NPAS3: variants seen among roughly 807,000 people sequenced by gnomAD.
The protein encoded by NPAS3 is neuronal PAS domain-containing protein 3.
A neutral mutation model predicts 73.1 loss-of-function variants in NPAS3; 14 were observed. That is an observed-to-expected ratio of 0.19 (90% CI 0.13 to 0.30). NPAS3 has a LOEUF of 0.30. Ranked by LOEUF, NPAS3 falls within the 10% of genes least tolerant of loss-of-function variation. NPAS3 has a pLI of 1.00. For missense variants in NPAS3, 1,096 were observed against 1,250.0 expected, an observed-to-expected ratio of 0.88 and a Z score of 1.86; for synonymous variants, 620 against 541.5, an observed-to-expected ratio of 1.14 and a Z score of -2.01.
intron 4 of NPAS3, among the ~76,000 whole-genome samples, chr14:33,520,623 A>G (rs942385072): frequency 6.6e-6 from 1 of 152,176 alleles, no homozygotes; most frequent in Non-Finnish European, 1.5e-5. Flanking sequence ...TTCAATTATG[A>G]CAACAGTTAA....
intron 2 of NPAS3, among the ~76,000 whole-genome samples, chr14:33,090,796 C>G (rs909728936): frequency 1.3e-5 from 2 of 152,192 alleles, no homozygotes; most frequent in African/African-American, 4.8e-5. Flanking sequence ...ATAACAAACT[C>G]TCTCAGACCA....
Position 33,787,618 on chromosome 14 carries a change from C to T in NPAS3, c.1154-6279C>T, listed in dbSNP as rs866460357. ...GATTTACAAAAAAAAAAAAAAAAAC[C>T]TAAAAACCAATTTCTGGATGCCTGC... is the stretch of plus-strand genomic sequence containing the variant. On this transcript the variant is annotated intron_variant, in intron 9 of 11. Transcript: ENST00000356141. 1.2e-4 allele frequency among the ~76,000 whole-genome samples: 17 copies of T among 142,952 alleles called. No individual in the cohort carries two copies. The South Asian group carries it at 2.0e-3, about 17-fold the overall frequency. The allele number at this position is 142,952 out of a possible 152,430, so 93.8% of individuals were successfully genotyped here. A position where few individuals can be genotyped will look rare whatever the true frequency, so the allele number is the denominator to read the frequency against.
chr14:33,391,342 C>T (rs113521282), intron 4 of NPAS3, among the ~76,000 whole-genome samples: 230 of 151,990 alleles, frequency 1.5e-3, no homozygotes, highest in African/African-American at 5.2e-3. Flanking sequence ...TACAGGCATG[C>T]GCCACCACAC....
At chr14:33,767,072 G>A (rs2062486551) in intron 7 of NPAS3, among the ~76,000 whole-genome samples, 1 of 152,200 alleles carries the variant, frequency 6.6e-6, no homozygotes, top group Non-Finnish European at 1.5e-5. Context: ...CCTTCTCCAT[G>A]GCGCTTGCAT....
intron 1 of NPAS3, among the ~76,000 whole-genome samples, chr14:33,050,041 G>A (rs75297972): frequency 8.3e-4 from 126 of 152,244 alleles, no homozygotes; most frequent in African/African-American, 2.4e-3. Context: ...TTAGCGCTGA[G>A]GGAGTTCTGT....
chr14:33,202,652 C>G (rs1464125363), intron 2 of NPAS3, among the ~76,000 whole-genome samples: 2 of 150,856 alleles, frequency 1.3e-5, no homozygotes, highest in Non-Finnish European at 2.9e-5. Flanking sequence ...ATCCTAACTA[C>G]TGAGATAAAT....
intron 1 of NPAS3, among the ~76,000 whole-genome samples, chr14:32,983,084 G>A (rs1282070124): frequency 1.3e-5 from 2 of 152,136 alleles, no homozygotes; most frequent in African/African-American, 2.4e-5. Flanking sequence ...ACTAAAAACT[G>A]TAGATGTTTG....
At chr14:33,249,292 AG>A (rs1399063720) in intron 3 of NPAS3, among the ~76,000 whole-genome samples, 1 of 151,844 alleles carries the variant, frequency 6.6e-6, no homozygotes, top group Non-Finnish European at 1.5e-5. Context: ...TGAAGAACAT[AG>A]TATTCTTCAG....
chr14:33,111,941 T>C (rs1446945014), intron 2 of NPAS3, among the ~76,000 whole-genome samples: 3 of 152,050 alleles, frequency 2.0e-5, no homozygotes, highest in African/African-American at 7.2e-5. Context: ...TCCTTGGTGA[T>C]AGTTTGCTGA....
At chr14:33,391,807 C>T (rs939937436) in intron 4 of NPAS3, among the ~76,000 whole-genome samples, 2 of 152,148 alleles carry the variant, frequency 1.3e-5, no homozygotes, top group Non-Finnish European at 2.9e-5. Context: ...CAGAGACATG[C>T]TCACCCTTGG....
At chr14:33,767,777 C>A (rs562579561) in intron 7 of NPAS3, among the ~76,000 whole-genome samples, 2 of 152,102 alleles carry the variant, frequency 1.3e-5, no homozygotes, top group Non-Finnish European at 2.9e-5. Context: ...AGGAGAATAG[C>A]TTCCAGATGT....
At position 33,563,537 on chromosome 14, in the gene NPAS3, C is replaced by CACACACACACACACACACACAGAGAG; in HGVS notation, c.558+3328_558+3329insCACACACACACACACACACAGAGAGA. 3.0e-3 allele frequency among the ~76,000 whole-genome samples: 360 copies of CACACACACACACACACACACAGAGAG among 119,650 alleles called. 7 individuals are homozygous for CACACACACACACACACACACAGAGAG. Among genetic ancestry groups the CACACACACACACACACACACAGAGAG allele is most frequent in the African/African-American group, 7.9e-3 (211 of 26,764 alleles). The allele number at this position is 119,650 out of a possible 152,430, so 78.5% of individuals were successfully genotyped here. A position where few individuals can be genotyped will look rare whatever the true frequency, so the allele number is the denominator to read the frequency against. ...ATACATACACACACACACACACACA[C>CACACACACACACACACACACAGAGAG]AGAGAGAGAGAGAGAGAGAGAGAGA... On this transcript the variant is annotated intron_variant, in intron 5 of 11. Coordinates refer to ENST00000356141, the Ensembl canonical transcript of NPAS3.
chr14:33,049,746 C>A (rs1233816721), intron 1 of NPAS3, among the ~76,000 whole-genome samples: 1 of 152,202 alleles, frequency 6.6e-6, no homozygotes, highest in Non-Finnish European at 1.5e-5. Flanking sequence ...GCATTCACAT[C>A]TGGTTCCAAA....
At chr14:32,977,351 G>GACATGCACACACACAC (rs1555313817) in intron 1 of NPAS3, among the ~76,000 whole-genome samples, 2 of 9,454 alleles carry the variant, frequency 2.1e-4, no homozygotes, top group Non-Finnish European at 7.1e-4. Context: ...TTTTGTCTCT[G>GACATGCACACACACAC]ACACGCACAC....
At chr14:33,580,576 C>G (rs1595201124) in intron 5 of NPAS3, among the ~76,000 whole-genome samples, 1 of 152,178 alleles carries the variant, frequency 6.6e-6, no homozygotes, top group Non-Finnish European at 1.5e-5. Context: ...TCCCCTCCAT[C>G]CCCCGGGGCA....
intron 5 of NPAS3, among the ~76,000 whole-genome samples, chr14:33,636,471 G>C (rs78575503): frequency 0.068 from 10,329 of 152,196 alleles, 449 homozygotes; most frequent in South Asian, 0.12. Context: ...TACCTGAGCT[G>C]ATATTCCTGC....
At chr14:33,739,240 G>A (rs1008317735) in intron 7 of NPAS3, among the ~76,000 whole-genome samples, 1 of 152,172 alleles carries the variant, frequency 6.6e-6, no homozygotes, top group Non-Finnish European at 1.5e-5. Context: ...TACTAAGGGA[G>A]GGAGGATGCA....
rs192169973 is a variant in NPAS3, at chr14:33,527,315, G to A, written c.469-32806G>A. ...CTGTAACCACTTACCTTGTGATGTC[G>A]TTTACAGCAAGAGCCCACATCCAGG... is the stretch of plus-strand genomic sequence containing the variant. On this transcript the variant is annotated intron_variant, in intron 4 of 11. Coordinates refer to ENST00000356141, the Ensembl canonical transcript of NPAS3. Among the ~76,000 whole-genome samples the A allele has an allele frequency of 8.2e-4, 125 of 152,230 alleles. 1 individual carries two copies. The highest frequency in any genetic ancestry group is 2.1e-3 in the African/African-American group (89 of 41,540).
In NPAS3 at chr14:33,551,247, G is replaced by A. The variant is rs1355282636; in HGVS notation, c.469-8874G>A. ...ACATGATTGCACCAGATTAGTGTCT[G>A]CGGTCTCTAAATGGTCTTTTAATAT... On this transcript the variant is annotated intron_variant, in intron 4 of 11. Coordinates refer to ENST00000356141, the Ensembl canonical transcript of NPAS3. Among the ~76,000 whole-genome samples, 4 of 152,306 alleles carry A rather than the reference G, an allele frequency of 2.6e-5. No individual in the cohort carries two copies. In the East Asian group the frequency reaches 5.8e-4, roughly 22 times the overall value.
Sources: allele counts gnomAD v4.1 joint callset (sites outside exome capture counted in the v4.1 genomes callset), GRCh38; gene constraint gnomAD v4.1.1; transcripts MANE v1.5; gene names NCBI Gene and HGNC (gene_info 2026-07-23, HGNC 2026-07-21).